Variants in SEMA6D observed in about 807,000 individuals in gnomAD.
SEMA6D encodes the protein semaphorin 6D.
In SEMA6D, 35 loss-of-function variants were observed where a neutral mutation model predicts 106.6. The observed-to-expected ratio is 0.33, with a 90% confidence interval of 0.25 to 0.44. The LOEUF (loss-of-function observed/expected upper bound fraction) is 0.44. Among genes scored for constraint, SEMA6D ranks in the 20% least tolerant of loss-of-function variants. The pLI is 1.00. For missense variants in SEMA6D, 1,185 were observed against 1,345.9 expected (o/e 0.88, Z 1.87); for synonymous variants, 499 against 487.7 (o/e 1.02, Z -0.31).
intron 1 of SEMA6D, among the ~76,000 whole-genome samples, chr15:47,303,144 G>T (rs1343905931): frequency 6.6e-6 from 1 of 152,178 alleles, no homozygotes; most frequent in Non-Finnish European, 1.5e-5. Context: ...GCAAAAGTAT[G>T]CCTAACAAGA....
At chr15:47,639,458 A>C (rs1430831743) in intron 4 of SEMA6D, among the ~76,000 whole-genome samples, 1 of 152,250 alleles carries the variant, frequency 6.6e-6, no homozygotes, top group Non-Finnish European at 1.5e-5. Flanking sequence ...ATGCAGATGA[A>C]TTCCAAATAA....
At chr15:47,719,556 G>C (rs958683256) in intron 1 of SEMA6D, among the ~76,000 whole-genome samples, 2 of 152,168 alleles carry the variant, frequency 1.3e-5, no homozygotes, top group African/African-American at 4.8e-5. Flanking sequence ...GGGCCATTAA[G>C]TGGATTATTT....
rs939232582 is a variant in SEMA6D, at chr15:47,474,035, G to T, written c.-87+3490G>T. On this transcript the variant is annotated intron_variant, in intron 3 of 19. Transcript: ENST00000558014. Reference sequence around the variant, plus strand: ...GCTGTCCACAGGCTTTCTGGCAATGGTATAGGAAGAAAAAAGGAGAAGGAG... The same window carrying T: ...GCTGTCCACAGGCTTTCTGGCAATGTTATAGGAAGAAAAAAGGAGAAGGAG... 2.6e-5 allele frequency among the ~76,000 whole-genome samples: 4 copies of T among 152,160 alleles called. No individual in the cohort carries two copies. The East Asian group carries it at 7.7e-4, about 29-fold the overall frequency.
At chr15:47,727,893 G>A (rs1164202056) in intron 1 of SEMA6D, among the ~76,000 whole-genome samples, 1 of 152,156 alleles carries the variant, frequency 6.6e-6, no homozygotes, top group African/African-American at 2.4e-5. Context: ...TTTTTCCCTT[G>A]TGCTTTGCAC....
rs1597076578 is a variant in SEMA6D, at chr15:47,765,572, T to C, written c.1428-297T>C. On this transcript the variant is annotated intron_variant, in intron 13 of 18. Coordinates refer to ENST00000536845, the MANE Select transcript of SEMA6D (RefSeq NM_001358351.3). ...ACCATCTAACACAGGAAAATTTATA[T>C]GCATTAAAGCACGATCCTTTTTATT... 4 of 571,546 alleles carry C rather than the reference T, an allele frequency of 7.0e-6. No homozygotes were observed. In the East Asian group the frequency reaches 2.4e-4, roughly 35 times the overall value. The allele number at this position is 571,546 out of a possible 1,614,324, so 35.4% of individuals were successfully genotyped here.
intron 4 of SEMA6D, among the ~76,000 whole-genome samples, chr15:47,605,593 C>G (rs771621505): frequency 5.3e-5 from 8 of 152,180 alleles, no homozygotes; most frequent in Non-Finnish European, 1.0e-4. Flanking sequence ...GAGAACAGCA[C>G]CTCCCCAACT....
intron 1 of SEMA6D, among the ~76,000 whole-genome samples, chr15:47,309,313 T>G (rs2036352266): frequency 6.6e-6 from 1 of 152,212 alleles, no homozygotes; most frequent in African/African-American, 2.4e-5. Flanking sequence ...CATCCTGTTC[T>G]GTCCCACCTG....
At chr15:47,261,053 G>A (rs991206475) in intron 1 of SEMA6D, among the ~76,000 whole-genome samples, 3 of 152,128 alleles carry the variant, frequency 2.0e-5, no homozygotes, top group Non-Finnish European at 2.9e-5. Context: ...GGAGGCCTCT[G>A]GATATTATTT....
intron 1 of SEMA6D, among the ~76,000 whole-genome samples, chr15:47,220,720 T>C (rs1224219177): frequency 1.3e-5 from 2 of 152,240 alleles, no homozygotes; most frequent in African/African-American, 4.8e-5. Context: ...ATTAGGTCTT[T>C]CTGGTCTCTC....
chr15:47,684,180 G>A (rs2078421304), intron 4 of SEMA6D, among the ~76,000 whole-genome samples: 1 of 152,028 alleles, frequency 6.6e-6, no homozygotes. Flanking sequence ...GTTCGTGTTT[G>A]CATTATCTTC....
At chr15:47,524,161 A>G (rs551693109) in intron 3 of SEMA6D, among the ~76,000 whole-genome samples, 18 of 152,320 alleles carry the variant, frequency 1.2e-4, no homozygotes, top group African/African-American at 4.3e-4. Flanking sequence ...AGTTTTGTGC[A>G]TTATGTCTCC....
At chr15:47,464,996 G>A (rs1194303671) in intron 2 of SEMA6D, among the ~76,000 whole-genome samples, 2 of 152,120 alleles carry the variant, frequency 1.3e-5, no homozygotes, top group African/African-American at 2.4e-5. Context: ...AAATTAAAGT[G>A]AGCCTCAAGC....
chr15:47,735,290 G>A (rs975383446), intron 1 of SEMA6D, among the ~76,000 whole-genome samples: 3 of 152,090 alleles, frequency 2.0e-5, no homozygotes, highest in Non-Finnish European at 4.4e-5. Context: ...AAGGCACTAC[G>A]GTATAGTCAT....
chr15:47,703,546 C>A (rs1485787589), intron 4 of SEMA6D, among the ~76,000 whole-genome samples: 1 of 152,006 alleles, frequency 6.6e-6, no homozygotes, highest in African/African-American at 2.4e-5. Context: ...TACGTAGCAA[C>A]CCAATTTGTG....
chr15:47,571,115 A>T (rs1168090530), intron 3 of SEMA6D, among the ~76,000 whole-genome samples: 1 of 152,098 alleles, frequency 6.6e-6, no homozygotes, highest in Non-Finnish European at 1.5e-5. Flanking sequence ...GCTGTGTCTC[A>T]GTCTTTATCT....
At chr15:47,646,611 T>C (rs72735827) in intron 4 of SEMA6D, among the ~76,000 whole-genome samples, 4,946 of 152,276 alleles carry the variant, frequency 0.032, 119 homozygotes, top group Non-Finnish European at 0.045. Context: ...TACTTCTCTC[T>C]AAGCCCCAAG....
chr15:47,609,560 T>C (rs535488851), intron 4 of SEMA6D, among the ~76,000 whole-genome samples: 51 of 152,334 alleles, frequency 3.3e-4, no homozygotes, highest in Admixed American at 3.3e-4. Context: ...CAGGTCTTAA[T>C]TGACCCCAAA....
At position 47,348,725 on chromosome 15, in the gene SEMA6D, C is replaced by CAGAGAGAG. The variant is rs1398441234; in HGVS notation, c.-238-63667_-238-63666insGAGAGAGA. Among the ~76,000 whole-genome samples, 277 of 47,714 alleles carry CAGAGAGAG rather than the reference C, an allele frequency of 5.8e-3. 6 individuals carry two copies. Among genetic ancestry groups the CAGAGAGAG allele is most frequent in the African/African-American group, 0.012 (257 of 21,406 alleles). 31.3% of individuals were successfully genotyped at this position (47,714 alleles called of 152,430 possible). A position where few individuals can be genotyped will look rare whatever the true frequency, so the allele number is the denominator to read the frequency against. The stretch of plus-strand genomic sequence containing the variant: ...CACACACACACACACACACCACACA[C>CAGAGAGAG]ACAGAGAGAGAGAGAGAGAGAGAGA... On this transcript the variant is annotated intron_variant, in intron 1 of 19. Coordinates refer to the SEMA6D transcript ENST00000558014.
chr15:47,511,632 A>G (rs1235167346), intron 3 of SEMA6D, among the ~76,000 whole-genome samples: 1 of 152,218 alleles, frequency 6.6e-6, no homozygotes, highest in Non-Finnish European at 1.5e-5. Context: ...GTGACTCATT[A>G]AGACAATAAT....
Sources: allele counts gnomAD v4.1 joint callset (sites outside exome capture counted in the v4.1 genomes callset), GRCh38; gene constraint gnomAD v4.1.1; transcripts MANE v1.5; gene names NCBI Gene and HGNC (gene_info 2026-07-23, HGNC 2026-07-21).